Variants in ARHGEF3 observed in about 807,000 individuals in gnomAD.
The protein encoded by ARHGEF3 is 59.8 kDA protein.
ARHGEF3 carries 28 observed loss-of-function variants against 63.2 expected under a neutral mutation model. The observed-to-expected ratio is 0.44, with a 90% CI of 0.33 to 0.61. The LOEUF is 0.61. Ranked by LOEUF, ARHGEF3 falls within the 20% of genes least tolerant of loss-of-function variation. ARHGEF3 has a pLI of 0.03. For synonymous variants in ARHGEF3, 266 were observed against 254.2 expected (o/e 1.05, Z -0.44); for missense variants, 533 against 659.3 (o/e 0.81, Z 2.10).
chr3:56,870,169 T>C (rs2040390961), intron 4 of ARHGEF3, among the ~76,000 whole-genome samples: 1 of 152,128 alleles, frequency 6.6e-6, no homozygotes, highest in Non-Finnish European at 1.5e-5. Context: ...AAAAATAAAC[T>C]ATACCCATCT....
intron 6 of ARHGEF3, among the ~76,000 whole-genome samples, 190 bp downstream of exon 6, chr3:56,750,866 A>G (rs1301039975): frequency 6.6e-6 from 1 of 152,010 alleles, no homozygotes; most frequent in Non-Finnish European, 1.5e-5. Flanking sequence ...GTAATAAGAA[A>G]AAAACTATTT....
intron 3 of ARHGEF3, among the ~76,000 whole-genome samples, chr3:56,925,914 G>A (rs1208471650): frequency 6.6e-6 from 1 of 152,240 alleles, no homozygotes; most frequent in Non-Finnish European, 1.5e-5. Context: ...CCCTTCTTGG[G>A]GAAGAAATGC....
At chr3:56,983,146 G>T (rs528847916) in intron 2 of ARHGEF3, among the ~76,000 whole-genome samples, 1 of 152,134 alleles carries the variant, frequency 6.6e-6, no homozygotes, top group South Asian at 2.1e-4. Context: ...CCCCTAGGGT[G>T]TATGTATGTA....
intron 1 of ARHGEF3, among the ~76,000 whole-genome samples, chr3:56,799,874 A>C (rs531001556): frequency 2.6e-5 from 4 of 152,234 alleles, no homozygotes; most frequent in Non-Finnish European, 5.9e-5. Context: ...TAAAAAACAA[A>C]AACCCCAATA....
intron 1 of ARHGEF3, among the ~76,000 whole-genome samples, chr3:56,781,386 A>G (rs1351166658): frequency 6.6e-6 from 1 of 151,558 alleles, no homozygotes. Context: ...AGCTGGGACT[A>G]CAGGAGTACA....
chr3:56,916,115 C>T (rs1028606926), intron 3 of ARHGEF3, among the ~76,000 whole-genome samples: 1 of 152,200 alleles, frequency 6.6e-6, no homozygotes, highest in East Asian at 1.9e-4. Flanking sequence ...CAGTGCTCTT[C>T]TGATTCATAC....
chr3:56,830,345 C>G (rs1251629588), intron 4 of ARHGEF3, among the ~76,000 whole-genome samples: 1 of 152,056 alleles, frequency 6.6e-6, no homozygotes, highest in East Asian at 1.9e-4. Flanking sequence ...GTATTTCCCA[C>G]ATATTACCAC....
chr3:57,054,011 G>A (rs1476574135), intron 1 of ARHGEF3, among the ~76,000 whole-genome samples: 1 of 152,146 alleles, frequency 6.6e-6, no homozygotes, highest in Non-Finnish European at 1.5e-5. Context: ...CTTCTCTTGG[G>A]TATATATCTA....
At chr3:56,921,769 A>C (rs575402704) in intron 3 of ARHGEF3, among the ~76,000 whole-genome samples, 138 of 152,364 alleles carry the variant, frequency 9.1e-4, no homozygotes, top group Non-Finnish European at 1.5e-3. Context: ...ATCCCAGCTC[A>C]ACAAGATTAT....
intron 1 of ARHGEF3, among the ~76,000 whole-genome samples, chr3:57,044,803 C>A (rs763718100): frequency 6.6e-6 from 1 of 152,170 alleles, no homozygotes; most frequent in Non-Finnish European, 1.5e-5. Context: ...ATACCACAAG[C>A]GGTCAACCCC....
At chr3:56,956,982 C>T (rs371007013) in intron 3 of ARHGEF3, among the ~76,000 whole-genome samples, 2 of 152,216 alleles carry the variant, frequency 1.3e-5, no homozygotes, top group Non-Finnish European at 2.9e-5. Flanking sequence ...TACATCAACA[C>T]TTCAAAGGCT....
chr3:56,988,923 T>C (rs1167669519), intron 2 of ARHGEF3, among the ~76,000 whole-genome samples: 1 of 152,160 alleles, frequency 6.6e-6, no homozygotes, highest in Non-Finnish European at 1.5e-5. Context: ...GGTGTTAAAA[T>C]AATAGCACCA....
At chr3:56,800,779 C>T (rs1262941087) in intron 1 of ARHGEF3, among the ~76,000 whole-genome samples, 2 of 152,188 alleles carry the variant, frequency 1.3e-5, no homozygotes, top group Non-Finnish European at 2.9e-5. Context: ...CCCAGATACA[C>T]GCATGAGCGG....
intron 1 of ARHGEF3, among the ~76,000 whole-genome samples, chr3:57,071,419 T>C (rs1005046380): frequency 6.6e-6 from 1 of 152,130 alleles, no homozygotes; most frequent in African/African-American, 2.4e-5. Flanking sequence ...CCCAGCACTT[T>C]GGGAGGCTAA....
intron 3 of ARHGEF3, among the ~76,000 whole-genome samples, chr3:56,884,062 G>C (rs914494149): frequency 6.6e-6 from 1 of 152,156 alleles, no homozygotes; most frequent in Non-Finnish European, 1.5e-5. Context: ...ACTCATGTAG[G>C]AGAGACAGGC....
chr3:56,806,960 T>G (rs1218386299), intron 4 of ARHGEF3, among the ~76,000 whole-genome samples: 4 of 151,930 alleles, frequency 2.6e-5, no homozygotes, highest in Non-Finnish European at 5.9e-5. Context: ...TCTTGCTCAC[T>G]GCAACCTCCA....
At chr3:57,066,780 A>G (rs1705563244) in intron 1 of ARHGEF3, among the ~76,000 whole-genome samples, 1 of 152,220 alleles carries the variant, frequency 6.6e-6, no homozygotes, top group Non-Finnish European at 1.5e-5. Flanking sequence ...GCTTTATCCA[A>G]TCAGCTATAA....
intron 2 of ARHGEF3, among the ~76,000 whole-genome samples, chr3:56,967,368 TATATTATATATTATAC>T (rs1225705126): frequency 1.3e-5 from 1 of 76,824 alleles, no homozygotes; most frequent in African/African-American, 6.2e-5. Context: ...TATTATATTA[TATATTATATATTATAC>T]ATATTATATA....
At chr3:57,042,688 A>ATT (rs1560156283) in intron 1 of ARHGEF3, among the ~76,000 whole-genome samples, 5 of 8,860 alleles carry the variant, frequency 5.6e-4, no homozygotes, top group East Asian at 2.8e-3. Context: ...ATATATATAT[A>ATT]TATATATATA....
Sources: allele counts gnomAD v4.1 joint callset (sites outside exome capture counted in the v4.1 genomes callset), GRCh38; gene constraint gnomAD v4.1.1; transcripts MANE v1.5; gene names NCBI Gene and HGNC (gene_info 2026-07-23, HGNC 2026-07-21).